Variants in NR3C2 observed in about 807,000 individuals in gnomAD.
NR3C2 encodes nuclear receptor subfamily 3 group C member 2, also known as mineralocorticoid receptor.
NR3C2 carries 15 observed loss-of-function variants against 86.4 expected under a neutral mutation model. That is an observed-to-expected ratio of 0.17 (90% CI 0.12 to 0.27). The LOEUF is 0.27. Ranked by LOEUF, NR3C2 falls within the 10% of genes least tolerant of loss-of-function variation. The probability of loss-of-function intolerance (pLI) is 1.00; values close to 1 mark genes in which losing one functional copy is unlikely to be tolerated. For missense variants in NR3C2, 960 were observed against 1,195.6 expected, an observed-to-expected ratio of 0.80 and a Z score of 2.91; for synonymous variants, 458 against 450.5, an observed-to-expected ratio of 1.02 and a Z score of -0.21.
intron 4 of NR3C2, among the ~76,000 whole-genome samples, chr4:148,160,952 G>A (rs986724109): frequency 3.9e-5 from 6 of 152,112 alleles, no homozygotes; most frequent in African/African-American, 1.4e-4. Flanking sequence ...TCAAAGATAG[G>A]GGGCAACTAA....
intron 2 of NR3C2, among the ~76,000 whole-genome samples, chr4:148,297,370 CTTAT>C (rs944526093): frequency 5.3e-5 from 8 of 152,204 alleles, no homozygotes; most frequent in Non-Finnish European, 1.2e-4. Context: ...TATGCATTTT[CTTAT>C]TTAAAAATAC....
chr4:148,211,047 G>T (rs753792041), intron 3 of NR3C2, among the ~76,000 whole-genome samples: 3 of 152,210 alleles, frequency 2.0e-5, no homozygotes, highest in Non-Finnish European at 4.4e-5. Context: ...TGTGGCCAGG[G>T]TACACACCTA....
intron 2 of NR3C2, 109 bp from the exon 3 acceptor site, chr4:148,260,226 A>G (rs2149871981): frequency 7.4e-7 from 1 of 1,358,074 alleles, no homozygotes; most frequent in Admixed American, 1.8e-5. Context: ...ACAAGAATTC[A>G]GTGTGTAATG....
intron 3 of NR3C2, among the ~76,000 whole-genome samples, chr4:148,245,278 A>G (rs1739264709): frequency 6.6e-6 from 1 of 152,168 alleles, no homozygotes; most frequent in Non-Finnish European, 1.5e-5. Context: ...TTGATAAGCT[A>G]AGTATTACCA....
chr4:148,114,028 C>G lies in NR3C2; in HGVS notation c.2799+76G>C, dbSNP rs1010858867. On this transcript the variant is annotated intron_variant, in intron 8 of 8. Transcript: ENST00000358102. ...GCATGACACCCTGAAAACTCTCAGT[C>G]TCTGTTTCCTTTGGTCAGCAGTGTG... is the stretch of plus-strand genomic sequence containing the variant. 21 of 1,561,596 alleles carry G rather than the reference C, an allele frequency of 1.3e-5. No individual in the cohort carries two copies. In the Admixed American group the frequency reaches 2.6e-4, roughly 19 times the overall value.
intron 4 of NR3C2, among the ~76,000 whole-genome samples, chr4:148,157,874 T>C (rs1734475665): frequency 6.6e-6 from 1 of 152,154 alleles, no homozygotes; most frequent in Admixed American, 6.6e-5. Context: ...TTTATCACGT[T>C]CATCACAGAA....
At chr4:148,331,787 G>A (rs1385648982) in intron 2 of NR3C2, among the ~76,000 whole-genome samples, 1 of 152,126 alleles carries the variant, frequency 6.6e-6, no homozygotes, top group East Asian at 1.9e-4. Flanking sequence ...TCTTACAGAG[G>A]ACAAGTGAAC....
chr4:148,196,331 C>G (rs980363721), intron 3 of NR3C2, among the ~76,000 whole-genome samples: 3 of 152,154 alleles, frequency 2.0e-5, no homozygotes, highest in East Asian at 1.9e-4. Flanking sequence ...GTTAGAGAAG[C>G]CTGATCAGCA....
intron 2 of NR3C2, among the ~76,000 whole-genome samples, chr4:148,323,554 G>C (rs1208776815): frequency 6.6e-6 from 1 of 151,590 alleles, no homozygotes; most frequent in African/African-American, 2.4e-5. Context: ...AGGACCCTCC[G>C]AGCCAGGTGC....
At chr4:148,119,647 A>G (rs1385406229) in intron 7 of NR3C2, among the ~76,000 whole-genome samples, 7 of 152,040 alleles carry the variant, frequency 4.6e-5, no homozygotes, top group African/African-American at 1.2e-4. Context: ...TTAGCTGGGT[A>G]TGGTGGTGCA....
chr4:148,285,184 A>G lies in NR3C2; in HGVS notation c.1758-25067T>C, dbSNP rs1031694089. On this transcript the variant is annotated intron_variant, in intron 2 of 8. Coordinates refer to ENST00000358102, the MANE Select transcript of NR3C2 (RefSeq NM_000901.5). The stretch of plus-strand genomic sequence containing the variant: ...GGGTCTCATAAGAATATTTTCTGCC[A>G]TAAGAGGAAAGTTATTTACCCCTTG... 3.3e-5 allele frequency among the ~76,000 whole-genome samples: 5 copies of G among 152,326 alleles called. No homozygotes were observed. In the South Asian group the frequency reaches 6.2e-4, roughly 19 times the overall value.
At chr4:148,223,153 C>A (rs73855934) in intron 3 of NR3C2, among the ~76,000 whole-genome samples, 1 of 152,062 alleles carries the variant, frequency 6.6e-6, no homozygotes, top group African/African-American at 2.4e-5. Context: ...ACCACCTACT[C>A]GGCCCTACAC....
At chr4:148,249,304 CAA>C (rs397879672) in intron 3 of NR3C2, among the ~76,000 whole-genome samples, 2 of 142,924 alleles carry the variant, frequency 1.4e-5, no homozygotes, top group African/African-American at 2.6e-5. Context: ...TCCCCCCGAC[CAA>C]AAAAAAAAAT....
At chr4:148,147,515 C>T (rs569733249) in intron 6 of NR3C2, among the ~76,000 whole-genome samples, 15 of 152,336 alleles carry the variant, frequency 9.8e-5, no homozygotes, top group African/African-American at 3.6e-4. Flanking sequence ...GACTGAGGCA[C>T]AGTGCCAGCT....
chr4:148,397,859 G>A (rs1053417762), intron 2 of NR3C2, among the ~76,000 whole-genome samples: 5 of 152,032 alleles, frequency 3.3e-5, no homozygotes, highest in African/African-American at 9.7e-5. Flanking sequence ...TACCATACAC[G>A]CATTTATTTA....
intron 6 of NR3C2, among the ~76,000 whole-genome samples, chr4:148,130,315 A>AG (rs1732959218): frequency 6.6e-6 from 1 of 152,246 alleles, no homozygotes; most frequent in South Asian, 2.1e-4. Context: ...AAAGCACAAA[A>AG]GCTTCCCAAC....
chr4:148,338,588 T>C (rs544730226), intron 2 of NR3C2, among the ~76,000 whole-genome samples: 1 of 152,184 alleles, frequency 6.6e-6, no homozygotes, highest in East Asian at 1.9e-4. Context: ...AGGAAGAAAG[T>C]TGTCAGGATG....
chr4:148,148,927 G>A (rs1471711566), intron 6 of NR3C2, among the ~76,000 whole-genome samples: 3 of 152,162 alleles, frequency 2.0e-5, no homozygotes, highest in Admixed American at 6.5e-5. Flanking sequence ...AATGCAAGAT[G>A]AAGCATGTAT....
Position 148,358,500 on chromosome 4 carries a change from T to C in NR3C2, c.1757+76604A>G, listed in dbSNP as rs376973000. On this transcript the variant is annotated intron_variant, in intron 2 of 8. Transcript: ENST00000358102. ...GTGGGGGGAGGGGGGAGGGGTAGCA[T>C]TGGGAGATATACCTAATGCTAGATG... Among the ~76,000 whole-genome samples the C allele has an allele frequency of 9.9e-4, 148 of 149,544 alleles. No individual in the cohort carries two copies. The East Asian group carries it at 0.023, about 23-fold the overall frequency.
Sources: allele counts gnomAD v4.1 joint callset (sites outside exome capture counted in the v4.1 genomes callset), GRCh38; gene constraint gnomAD v4.1.1; transcripts MANE v1.5; gene names NCBI Gene and HGNC (gene_info 2026-07-23, HGNC 2026-07-21).